The following CHIT1 variants were observed in gnomAD, a reference collection of about 807,000 sequenced individuals.
The protein encoded by CHIT1 is chitotriosidase-1.
Under a neutral mutation model 52.0 loss-of-function variants are expected in CHIT1, and 47 were observed. The observed-to-expected ratio is 0.90, with a 90% CI of 0.71 to 1.15. The LOEUF is 1.15. CHIT1 is among the 50% of genes most tolerant of loss of function. The pLI, the probability that CHIT1 is intolerant of heterozygous loss-of-function variation, is 0.00. For missense variants in CHIT1, 569 were observed against 583.0 expected (o/e 0.98, Z 0.25); for synonymous variants, 242 against 228.2 (o/e 1.06, Z -0.54).
intron 1 of CHIT1, among the ~76,000 whole-genome samples, chr1:203,228,787 AG>A (rs1282948667): frequency 6.6e-6 from 1 of 152,164 alleles, no homozygotes; most frequent in Non-Finnish European, 1.5e-5. Context: ...GCTGATGGAA[AG>A]TTCCATGGGC....
At position 203,219,200 on chromosome 1, in the gene CHIT1, C is replaced by A; in HGVS notation, c.1029+16G>T. ...TTCACTAGGACCACCCCTCTGCCAG[C>A]AGAGCTGGGCCTCACCTTGGTTTTG... is the stretch of plus-strand genomic sequence containing the variant. On this transcript the variant is annotated intron_variant, in intron 9 of 10. Coordinates refer to ENST00000367229, the MANE Select transcript of CHIT1 (RefSeq NM_003465.3). 4 of 1,387,636 alleles carry A rather than the reference C, an allele frequency of 2.9e-6. No homozygotes were observed. The highest frequency in any genetic ancestry group is 2.3e-5 in the East Asian group (1 of 43,850). The allele number at this position is 1,387,636 out of a possible 1,614,324, so 86.0% of individuals were successfully genotyped here.
chr1:203,228,500 G>A, intron 2 of CHIT1, 33 bp downstream of exon 2: 2 of 1,574,494 alleles, frequency 1.3e-6, no homozygotes, highest in South Asian at 2.3e-5. Flanking sequence ...GCCCAGGGAA[G>A]GGGCTGAGGC....
In CHIT1 at chr1:203,219,263, C is replaced by G. The variant is rs377180308; in HGVS notation, c.982G>C (p.Asp328His). ...TCATCAAAGCCCACCCACTGGTTGT[C>G]CCGGAAGATGTAGGGCACCTTCTGA... is the stretch of plus-strand genomic sequence containing the variant. Reference protein sequence around the residue: ...QDQKVPYIFRDNQWVGFDDVE... With the variant: ...QDQKVPYIFRHNQWVGFDDVE... The change falls in exon 9 of 11, where the codon GAC becomes CAC. Residue 328 changes from aspartate (D) to histidine (H), a missense_variant. Asp to His is a moderately conservative substitution (Grantham distance 81, BLOSUM62 -1). Transcript: ENST00000367229. The G allele has an allele frequency of 1.2e-6, 2 of 1,603,624 alleles. No homozygotes were observed. The highest frequency in any genetic ancestry group is 2.7e-5 in the African/African-American group (2 of 74,860).
rs150640686 is a variant in CHIT1 at position 203,219,715 on chromosome 1, A to G, written c.864T>C (p.Ser288=). The change falls in exon 8 of 11, where the codon TCT becomes TCC. Residue 288 remains serine, a synonymous_variant. Transcript: ENST00000367229. ...CCTTGGTGAAGGGGCCTGGAGTGCC[A>G]GACCCTGTGGCTGGGGCCCCCACTC... ...DTRVGAPATG[S]GTPGPFTKEG... is the part of the protein sequence containing the mutation. 59 of 1,614,006 alleles carry G rather than the reference A, an allele frequency of 3.7e-5. No homozygotes were observed. Among genetic ancestry groups the G allele is most frequent in the Non-Finnish European group, 4.9e-5 (58 of 1,180,024 alleles).
chr1:203,217,889 G>C (rs1424567964), intron 9 of CHIT1, 24 bp from the exon 10 acceptor site: 1 of 1,543,262 alleles, frequency 6.5e-7, no homozygotes, highest in South Asian at 1.3e-5. Flanking sequence ...GGATGCAGTG[G>C]AGGAGCCCGG....
At chr1:203,219,508 G>A (rs1656654179) in intron 8 of CHIT1, 156 bp downstream of exon 8, 2 of 1,028,800 alleles carry the variant, frequency 1.9e-6, no homozygotes, top group Non-Finnish European at 3.0e-6. Context: ...TGGGCTTAAG[G>A]ATAAATTCAA....
chr1:203,222,067 A>G, intron 7 of CHIT1, 135 bp downstream of exon 7: 1 of 1,299,342 alleles, frequency 7.7e-7, no homozygotes, highest in Non-Finnish European at 1.1e-6. Flanking sequence ...ACAAGCAAGC[A>G]AAGAAACAAA....
At position 203,216,381 on chromosome 1, in the gene CHIT1, C is replaced by A. The variant is rs566193532; in HGVS notation, c.*508G>T. 16 of 454,144 alleles carry A rather than the reference C, an allele frequency of 3.5e-5. No individual in the cohort carries two copies. Among genetic ancestry groups the A allele is most frequent in the South Asian group, 2.5e-4 (16 of 64,480 alleles). 28.1% of individuals were successfully genotyped at this position (454,144 alleles called of 1,614,324 possible). A position where few individuals can be genotyped will look rare whatever the true frequency, so the allele number is the denominator to read the frequency against. On this transcript the variant is annotated 3_prime_UTR_variant, in exon 11 of 11. Transcript: ENST00000367229. ...ATCAGGGAAAAGTTCTTCTCTGCTG[C>A]CATCTAGTGGCATTTTGGGAATAAC...
chr1:203,222,371 T>C (rs753355285), intron 6 of CHIT1, 46 bp from the exon 7 acceptor site: 9 of 1,613,478 alleles, frequency 5.6e-6, no homozygotes, highest in Non-Finnish European at 7.6e-6. Context: ...GGATTGGGGG[T>C]GGGGTAGCCC....
At chr1:203,222,996 G>T in intron 6 of CHIT1, 139 bp downstream of exon 6, 1 of 1,167,110 alleles carries the variant, frequency 8.6e-7, no homozygotes, top group Non-Finnish European at 1.3e-6. Context: ...GGAATTTTCT[G>T]CTTTTGTTCT....
At position 203,228,466 on chromosome 1, in the gene CHIT1, AG is replaced by A. The variant is rs564292886; in HGVS notation, c.55+66del. On this transcript the variant is annotated intron_variant, in intron 2 of 10. Coordinates refer to ENST00000367229, the MANE Select transcript of CHIT1 (RefSeq NM_003465.3). ...AGCTCTTGGGGAGGTCTGGCAGGGA[AG>A]GTGTTTTGGGACATTAAGCAGAGCC... 2.1e-4 allele frequency: 319 copies of A among 1,505,290 alleles called. 1 individual carries two copies. The African/African-American group carries it at 2.9e-3, about 14-fold the overall frequency. The allele number at this position is 1,505,290 out of a possible 1,614,324, so 93.2% of individuals were successfully genotyped here. A position where few individuals can be genotyped will look rare whatever the true frequency, so the allele number is the denominator to read the frequency against.
At position 203,219,231 on chromosome 1, in the gene CHIT1, C is replaced by T; in HGVS notation, c.1014G>A (p.Glu338=). ...TGGGCCTCACCTTGGTTTTGAAGCT[C>T]TCCACATCATCAAAGCCCACCCACT... ...DNQWVGFDDV[E]SFKTKVSYLK... The change falls in exon 9 of 11, where the codon GAG becomes GAA. Residue 338 remains glutamate (E), a synonymous_variant. Coordinates refer to ENST00000367229, the MANE Select transcript of CHIT1 (RefSeq NM_003465.3). 1 of 1,599,962 alleles carries T rather than the reference C, an allele frequency of 6.3e-7. No homozygotes were observed. Among genetic ancestry groups the T allele is most frequent in the Non-Finnish European group, 8.6e-7 (1 of 1,166,986 alleles).
At position 203,216,484 on chromosome 1, in the gene CHIT1, C is replaced by G; in HGVS notation, c.*405G>C. 1 of 458,036 alleles carries G rather than the reference C, an allele frequency of 2.2e-6. No individual in the cohort carries two copies. The highest frequency in any genetic ancestry group is 2.3e-5 in the Admixed American group (1 of 42,644). 28.4% of individuals were successfully genotyped at this position (458,036 alleles called of 1,614,324 possible). The stretch of plus-strand genomic sequence containing the variant: ...CCAAAGAACGTGTTGCACTTGGGGC[C>G]GCGCTCTGGCTGCCATCACCTGTGT... On this transcript the variant is annotated 3_prime_UTR_variant, in exon 11 of 11. Transcript: ENST00000367229.
Position 203,223,253 on chromosome 1 carries a change from C to T in CHIT1, c.487G>A (p.Ala163Thr), listed in dbSNP as rs747317143. The change falls in exon 6 of 11, where the codon GCC (alanine) becomes ACC (threonine). Residue 163 changes from alanine to threonine, a missense_variant. Coordinates refer to ENST00000367229, the MANE Select transcript of CHIT1 (RefSeq NM_003465.3). ...TGGGCTTCCTGCTGGAAGGCATTGGCCAAGTCCTGTGGGAGTGGAGCTCAG... is the reference window on the plus strand; with the variant it reads ...TGGGCTTCCTGCTGGAAGGCATTGGTCAAGTCCTGTGGGAGTGGAGCTCAG... The part of the protein sequence containing the change: ...ERFTTLVQDL[A>T]NAFQQEAQTS... The T allele has an allele frequency of 1.2e-6, 2 of 1,614,182 alleles. No homozygotes were observed. Among genetic ancestry groups the T allele is most frequent in the Admixed American group, 3.3e-5 (2 of 60,034 alleles).
chr1:203,221,501 A>G (rs1336581603), intron 7 of CHIT1, among the ~76,000 whole-genome samples: 2 of 152,068 alleles, frequency 1.3e-5, no homozygotes, highest in African/African-American at 2.4e-5. Context: ...GGTCATAGTG[A>G]TCCCAGTTAC....
At chr1:203,218,183 T>G in intron 9 of CHIT1, 1 of 1,210,152 alleles carries the variant, frequency 8.3e-7, no homozygotes, top group South Asian at 1.3e-5. Context: ...ATGTGTGGGC[T>G]GAGCTGCTTT....
chr1:203,222,105 G>A (rs1571846431), intron 7 of CHIT1, 97 bp downstream of exon 7: 2 of 1,543,802 alleles, frequency 1.3e-6, no homozygotes, highest in East Asian at 4.5e-5. Flanking sequence ...AGTGCCCTGT[G>A]TCTTTTTTCC....
At position 203,219,314 on chromosome 1, in the gene CHIT1, C is replaced by T; in HGVS notation, c.931G>A (p.Gly311Arg). 1 of 1,608,480 alleles carries T rather than the reference C, an allele frequency of 6.2e-7. No homozygotes were observed. The highest frequency in any genetic ancestry group is 8.5e-7 in the Non-Finnish European group (1 of 1,174,832). The change falls in exon 9 of 11, where the codon GGG (glycine) becomes AGG (arginine). Residue 311 changes from glycine (G) to arginine (R), a missense_variant. Gly to Arg is a moderately radical substitution (Grantham distance 125, BLOSUM62 -2). Coordinates refer to ENST00000367229, the MANE Select transcript of CHIT1 (RefSeq NM_003465.3). ...TCCTGGATTCTCTGTTTGGTGGCCC[C>T]CTTCCAGGAGCAGACCTGTGGGAGC... ...LAYYEVCSWK[G>R]ATKQRIQDQK...
intron 3 of CHIT1, among the ~76,000 whole-genome samples, chr1:203,225,346 GA>G (rs1204203631): frequency 6.6e-6 from 1 of 152,116 alleles, no homozygotes; most frequent in Non-Finnish European, 1.5e-5. Flanking sequence ...AGATTCTCAA[GA>G]GGCTTTGTGA....
Sources: allele counts gnomAD v4.1 joint callset (sites outside exome capture counted in the v4.1 genomes callset), GRCh38; gene constraint gnomAD v4.1.1; transcripts MANE v1.5; gene names NCBI Gene and HGNC (gene_info 2026-07-23, HGNC 2026-07-21).